The following SEM1 variants were observed in gnomAD, a reference collection of about 807,000 sequenced individuals.
The protein encoded by SEM1 is 26S proteasome complex subunit SEM1.
SEM1 carries 3 observed loss-of-function variants against 12.7 expected under a neutral mutation model. That is an observed-to-expected ratio of 0.24 (90% CI 0.11 to 0.61). The LOEUF is 0.61. Ranked by LOEUF, SEM1 falls within the 20% of genes least tolerant of loss-of-function variation. The pLI is 0.88. For synonymous variants in SEM1, 30 were observed against 27.8 expected (o/e 1.08, Z -0.25); for missense variants, 59 against 81.3 (o/e 0.73, Z 1.06).
chr7:96,689,089 A>G, intron 2 of SEM1, 123 bp from the exon 3 acceptor site: 1 of 551,154 alleles, frequency 1.8e-6, no homozygotes, highest in Non-Finnish European at 3.2e-6. Context: ...ATACCACTGA[A>G]TAGTTTTACT....
At chr7:96,486,546 G>T in intron 1 of SEM1, 1 of 718,302 alleles carries the variant, frequency 1.4e-6, no homozygotes, top group Non-Finnish European at 2.3e-6. Context: ...TGAGTGAGGT[G>T]GGGAAACCAA....
At chr7:96,550,606 G>A (rs1369725711) in intron 2 of SEM1, among the ~76,000 whole-genome samples, 1 of 152,074 alleles carries the variant, frequency 6.6e-6, no homozygotes, top group Admixed American at 6.6e-5. Context: ...TATAACTAGC[G>A]ATAAGAAAAT....
rs942926364 is a variant in SEM1 at position 96,597,897 on chromosome 7, A to T, written c.171-91199T>A. On this transcript the variant is annotated intron_variant and NMD_transcript_variant, in intron 2 of 3. Transcript: ENST00000466986. ...TTTTTGTACATCCAAGTAAACAAAC[A>T]CATATATATAGTTCTCACCTACTTT... Among the ~76,000 whole-genome samples the T allele has an allele frequency of 3.3e-5, 5 of 152,096 alleles. No individual in the cohort carries two copies. The South Asian group carries it at 1.0e-3, about 32-fold the overall frequency.
chr7:96,519,510 G>A (rs1379039389), intron 2 of SEM1, among the ~76,000 whole-genome samples: 2 of 151,974 alleles, frequency 1.3e-5, no homozygotes, highest in African/African-American at 4.8e-5. Context: ...GGAGTGGGTG[G>A]GTTGAGATTT....
chr7:96,519,616 G>A (rs1804207700), intron 2 of SEM1, among the ~76,000 whole-genome samples: 1 of 152,016 alleles, frequency 6.6e-6, no homozygotes, highest in African/African-American at 2.4e-5. Context: ...GTTAATATCT[G>A]GTGACAGAAC....
upstream of SEM1, among the ~76,000 whole-genome samples, chr7:96,498,296 G>T (rs2117252101): frequency 6.6e-6 from 1 of 152,234 alleles, no homozygotes; most frequent in East Asian, 1.9e-4. Context: ...CTTATCTACA[G>T]ATGTTTATTG....
At chr7:96,515,850 G>A (rs1804078034) in intron 2 of SEM1, among the ~76,000 whole-genome samples, 1 of 152,054 alleles carries the variant, frequency 6.6e-6, no homozygotes, top group Admixed American at 6.5e-5. Flanking sequence ...CGCAGGGCAG[G>A]GAACATCACA....
intron 2 of SEM1, among the ~76,000 whole-genome samples, chr7:96,633,226 C>T (rs367604289): frequency 1.3e-5 from 2 of 151,882 alleles, no homozygotes; most frequent in African/African-American, 2.4e-5. Flanking sequence ...TGGAAAAACA[C>T]CTTTAATTGT....
chr7:96,533,908 A>G (rs984913321), intron 2 of SEM1, among the ~76,000 whole-genome samples: 1 of 152,098 alleles, frequency 6.6e-6, no homozygotes, highest in African/African-American at 2.4e-5. Flanking sequence ...CAGGAAAAAA[A>G]AATCCAGTGT....
downstream of SEM1, among the ~76,000 whole-genome samples, chr7:96,670,754 G>C (rs1179596473): frequency 6.6e-6 from 1 of 152,188 alleles, no homozygotes; most frequent in East Asian, 1.9e-4. Flanking sequence ...TGGTAGAACA[G>C]GATTTGAGAG....
At chr7:96,580,829 T>G (rs77193816) in intron 2 of SEM1, among the ~76,000 whole-genome samples, 82,649 of 151,908 alleles carry the variant, frequency 0.54, 24,547 homozygotes, top group Non-Finnish European at 0.68. Context: ...TTGTTTTTTC[T>G]CATAAATTTG....
intron 3 of SEM1, chr7:96,484,094 C>A: frequency 9.3e-7 from 1 of 1,072,940 alleles, no homozygotes. Context: ...TAGATCCAAT[C>A]ATCCCCATTT....
At chr7:96,698,073 T>C (rs940335149) in intron 1 of SEM1, among the ~76,000 whole-genome samples, 4 of 152,136 alleles carry the variant, frequency 2.6e-5, no homozygotes, top group Non-Finnish European at 4.4e-5. Context: ...TGGCAGGCTG[T>C]TGGTGAGCTT....
At chr7:96,671,146 T>C (rs974270162), downstream of SEM1, among the ~76,000 whole-genome samples, 1 of 152,218 alleles carries the variant, frequency 6.6e-6, no homozygotes, top group African/African-American at 2.4e-5. Context: ...CACAGCTATT[T>C]TGTAGCTAGA....
At chr7:96,703,767 G>A (rs78223947) in intron 1 of SEM1, among the ~76,000 whole-genome samples, 3,985 of 151,962 alleles carry the variant, frequency 0.026, 72 homozygotes, top group Non-Finnish European at 0.038. Flanking sequence ...GCAACATAAC[G>A]AGACCAAATC....
rs551121902 is a variant in SEM1 at position 96,588,602 on chromosome 7, G to A, written c.171-81904C>T. Among the ~76,000 whole-genome samples the A allele has an allele frequency of 3.3e-5, 5 of 151,932 alleles. No individual in the cohort carries two copies. In the South Asian group the frequency reaches 1.0e-3, roughly 32 times the overall value. ...ATAAGGAAGAAAAAAAGACAGTGAG[G>A]ATTATTAAGAGACAGATGTTAAATA... On this transcript the variant is annotated intron_variant and NMD_transcript_variant, in intron 2 of 3. Coordinates refer to the SEM1 transcript ENST00000466986.
At chr7:96,663,024 A>G (rs1233891029) in intron 2 of SEM1, among the ~76,000 whole-genome samples, 1 of 152,120 alleles carries the variant, frequency 6.6e-6, no homozygotes, top group East Asian at 1.9e-4. Context: ...CATTAATTTT[A>G]TTAGATAAAA....
intron 1 of SEM1, among the ~76,000 whole-genome samples, chr7:96,699,418 A>G (rs1438049273): frequency 6.6e-6 from 1 of 152,162 alleles, no homozygotes; most frequent in African/African-American, 2.4e-5. Context: ...AAACTTACAC[A>G]TATCACTGTC....
At chr7:96,637,148 A>G (rs1808453222) in intron 2 of SEM1, 1 of 152,002 alleles carries the variant, frequency 6.6e-6, no homozygotes, top group African/African-American at 2.4e-5. Context: ...GAGGGTATAT[A>G]TGACTGCGTT....
Sources: gnomAD v4.1 joint callset for allele counts (sites outside exome capture counted in the v4.1 genomes callset) on GRCh38, gnomAD v4.1.1 for gene constraint, MANE v1.5 for transcripts, NCBI Gene and HGNC (gene_info 2026-07-23, HGNC 2026-07-21) for gene names.